Variants in FANCD2 observed in about 807,000 individuals in gnomAD.
The protein encoded by FANCD2 is FA complementation group D2, also known as Fanconi anemia group D2 protein.
In FANCD2, 131 loss-of-function variants were observed where a neutral mutation model predicts 192.3. The ratio of observed to expected loss-of-function variants is 0.68; its 90% CI spans 0.59 to 0.79. The LOEUF (loss-of-function observed/expected upper bound fraction) is 0.79. FANCD2 is among the 30% of genes least tolerant of loss of function. FANCD2 has a pLI of 0.00. For synonymous variants in FANCD2, 524 were observed against 612.5 expected (o/e 0.86, Z 2.13); for missense variants, 1,508 against 1,701.6 (o/e 0.89, Z 2.00).
rs555870536 is a variant in FANCD2 at position 10,073,224 on chromosome 3, G to A, written c.2606-29G>A. 1.9e-6 allele frequency: 3 copies of A among 1,549,500 alleles called. No individual in the cohort carries two copies. In the Admixed American group the frequency reaches 5.0e-5, roughly 26 times the overall value. ...TGGCAAACATGATTATTAATTACTT[G>A]AGTCACTTTTCTCTTTTTAATATAA... On this transcript the variant is annotated intron_variant, in intron 27 of 43. Coordinates refer to ENST00000675286, the MANE Select transcript of FANCD2 (RefSeq NM_001018115.3).
chr3:10,072,920 A>G lies in FANCD2; in HGVS notation c.2544A>G (p.Leu848=), dbSNP rs1231608827. The change falls in exon 27 of 44, where the codon TTA becomes TTG. Residue 848 remains leucine, a synonymous_variant. Coordinates refer to ENST00000675286, the MANE Select transcript of FANCD2 (RefSeq NM_001018115.3). ...PPLGNFDVET[L]DITPHTVTAI... The stretch of plus-strand genomic sequence containing the variant: ...TTGGAAACTTTGATGTGGAAACTTT[A>G]GATATAACACCTCATACTGTTACTG... 1 of 1,612,458 alleles carries G rather than the reference A, an allele frequency of 6.2e-7. No homozygotes were observed. The highest frequency in any genetic ancestry group is 8.5e-7 in the Non-Finnish European group (1 of 1,178,708).
intron 2 of FANCD2, among the ~76,000 whole-genome samples, chr3:10,031,228 G>C (rs2086583470): frequency 6.6e-6 from 1 of 152,124 alleles, no homozygotes; most frequent in South Asian, 2.1e-4. Context: ...AGGAGGCCAG[G>C]CACGGTGGCT....
chr3:10,055,744 G>A (rs1328017720), intron 18 of FANCD2, among the ~76,000 whole-genome samples: 2 of 151,828 alleles, frequency 1.3e-5, no homozygotes, highest in Admixed American at 6.6e-5. Flanking sequence ...CCCGGGATAC[G>A]GAGCTTGCAG....
intron 8 of FANCD2, 122 bp downstream of exon 8, chr3:10,039,479 T>C: frequency 9.9e-6 from 10 of 1,012,726 alleles, no homozygotes; most frequent in Non-Finnish European, 1.5e-5. Flanking sequence ...ATTAGCTTTT[T>C]CCAATTTTCA....
At chr3:10,088,701 C>T (rs1559404743) in intron 35 of FANCD2, 127 bp from the exon 36 acceptor site, 1 of 1,164,716 alleles carries the variant, frequency 8.6e-7, no homozygotes, top group Non-Finnish European at 1.3e-6. Flanking sequence ...TCTTAAGATC[C>T]TCTGGTTCTG....
intron 1 of FANCD2, among the ~76,000 whole-genome samples, chr3:10,027,289 G>A (rs992211933): frequency 2.0e-5 from 3 of 152,160 alleles, no homozygotes; most frequent in African/African-American, 7.2e-5. Flanking sequence ...AGCTGCAGTA[G>A]CAAACTCCCT....
intron 18 of FANCD2, among the ~76,000 whole-genome samples, chr3:10,059,249 AG>A (rs1466750529): frequency 6.6e-6 from 1 of 152,088 alleles, no homozygotes; most frequent in Non-Finnish European, 1.5e-5. Context: ...CCTGGGTTCA[AG>A]CAGTCCAGCA....
chr3:10,064,442 T>A lies in FANCD2; in HGVS notation c.2021+13T>A, dbSNP rs1484291634. 1 of 1,613,156 alleles carries A rather than the reference T, an allele frequency of 6.2e-7. No homozygotes were observed. The highest frequency in any genetic ancestry group is 8.5e-7 in the Non-Finnish European group (1 of 1,179,190). On this transcript the variant is annotated intron_variant, in intron 22 of 43. Transcript: ENST00000675286. ...TTGTTCCGGAAGGGTAGGTATTGTT[T>A]ACCTGCTGGCTTGGTTGCACTGGTG...
At chr3:10,060,629 G>A (rs1240068713) in intron 19 of FANCD2, among the ~76,000 whole-genome samples, 1 of 152,154 alleles carries the variant, frequency 6.6e-6, no homozygotes, top group Non-Finnish European at 1.5e-5. Context: ...TAAAAATTAA[G>A]GATTGGCTAG....
chr3:10,083,629 C>G (rs1481066302), intron 32 of FANCD2: 1 of 152,304 alleles, frequency 6.6e-6, no homozygotes, highest in African/African-American at 2.4e-5. Context: ...TGGCTCACGC[C>G]TGTAATCCCA....
rs192591751 is a variant in FANCD2 at position 10,069,194 on chromosome 3, A to C, written c.2494+1877A>C. ...TTAAGTTCCTTTCCTCTGCATAGCA[A>C]AGGAAACACCAAAGTGAAGAGACAG... On this transcript the variant is annotated intron_variant, in intron 26 of 43. Transcript: ENST00000675286. 1.6e-3 allele frequency among the ~76,000 whole-genome samples: 240 copies of C among 152,320 alleles called. 5 individuals are homozygous for C. In the South Asian group the frequency reaches 0.029, roughly 19 times the overall value.
chr3:10,055,865 TTTG>T lies in FANCD2; in HGVS notation c.1656+3379_1656+3381del, dbSNP rs573146839. Among the ~76,000 whole-genome samples, 5 of 152,048 alleles carry T rather than the reference TTTG, an allele frequency of 3.3e-5. No individual in the cohort carries two copies. In the East Asian group the frequency reaches 5.8e-4, roughly 18 times the overall value. Reference sequence around the variant, plus strand: ...TAAATAAATAATTCCATTCTTTGTTTTTGTTGTTGTTGTGTTTTATTTTGTTTT... The same window carrying T: ...TAAATAAATAATTCCATTCTTTGTTTTTGTTGTTGTGTTTTATTTTGTTTT... On this transcript the variant is annotated intron_variant, in intron 18 of 43. Coordinates refer to ENST00000675286, the MANE Select transcript of FANCD2 (RefSeq NM_001018115.3).
chr3:10,040,123 C>T, intron 9 of FANCD2: 1 of 430,602 alleles, frequency 2.3e-6, no homozygotes, highest in Admixed American at 3.8e-5. Context: ...CAACCTCCGC[C>T]TCCTGGGTTC....
At chr3:10,030,993 G>T (rs192943703) in intron 2 of FANCD2, among the ~76,000 whole-genome samples, 1 of 152,132 alleles carries the variant, frequency 6.6e-6, no homozygotes. Flanking sequence ...ATTTGAAACT[G>T]AAGAGGAATA....
chr3:10,079,080 A>C (rs1309636668), intron 30 of FANCD2, among the ~76,000 whole-genome samples: 1 of 151,912 alleles, frequency 6.6e-6, no homozygotes, highest in Non-Finnish European at 1.5e-5. Flanking sequence ...GTCTCTACTA[A>C]AAATACAAAA....
intron 6 of FANCD2, 109 bp downstream of exon 6, chr3:10,035,342 G>A: frequency 1.0e-6 from 1 of 962,780 alleles, no homozygotes; most frequent in South Asian, 1.3e-5. Flanking sequence ...GGAGAATTTG[G>A]GTTTGTAGCA....
chr3:10,029,757 C>G (rs573363079), intron 2 of FANCD2, among the ~76,000 whole-genome samples: 3 of 152,132 alleles, frequency 2.0e-5, no homozygotes, highest in African/African-American at 7.2e-5. Context: ...TCTTGAGTAT[C>G]CAAAGTCCAT....
chr3:10,029,448 T>C (rs1472538862), intron 2 of FANCD2, among the ~76,000 whole-genome samples: 4 of 151,878 alleles, frequency 2.6e-5, no homozygotes, highest in Non-Finnish European at 5.9e-5. Context: ...GTGCAATGAG[T>C]CAATAACAGC....
At chr3:10,032,133 C>G (rs946971221) in intron 2 of FANCD2, among the ~76,000 whole-genome samples, 10 of 152,108 alleles carry the variant, frequency 6.6e-5, no homozygotes, top group African/African-American at 2.2e-4. Flanking sequence ...GCGTGAGCCA[C>G]TGTGCTGGGT....
Sources: gnomAD v4.1 joint callset for allele counts (sites outside exome capture counted in the v4.1 genomes callset) on GRCh38, gnomAD v4.1.1 for gene constraint, MANE v1.5 for transcripts, NCBI Gene and HGNC (gene_info 2026-07-23, HGNC 2026-07-21) for gene names.